The following DPF3 variants were observed in gnomAD, a reference collection of about 807,000 sequenced individuals.
The protein encoded by DPF3 is double PHD fingers 3, also known as zinc finger protein DPF3.
In DPF3, 18 loss-of-function variants were observed where a neutral mutation model predicts 56.8. That is an observed-to-expected ratio of 0.32 (90% CI 0.22 to 0.47). The LOEUF (loss-of-function observed/expected upper bound fraction) is 0.47. DPF3 is among the 20% of genes least tolerant of loss of function. The pLI is 1.00. For missense variants in DPF3, 403 were observed against 488.8 expected, an observed-to-expected ratio of 0.82 and a Z score of 1.65; for synonymous variants, 188 against 180.2, an observed-to-expected ratio of 1.04 and a Z score of -0.35.
At chr14:72,711,721 C>T (rs984193594) in intron 6 of DPF3, among the ~76,000 whole-genome samples, 2 of 152,036 alleles carry the variant, frequency 1.3e-5, no homozygotes, top group African/African-American at 2.4e-5. Context: ...GGGAAAGATG[C>T]GCAAACGACA....
intron 1 of DPF3, among the ~76,000 whole-genome samples, chr14:72,885,172 T>C (rs1371173335): frequency 2.0e-5 from 3 of 148,230 alleles, no homozygotes; most frequent in African/African-American, 7.4e-5. Flanking sequence ...GCAATCCCTG[T>C]GGCTGGGGAT....
At chr14:72,739,396 CTG>C (rs1457214279) in intron 3 of DPF3, among the ~76,000 whole-genome samples, 3 of 152,240 alleles carry the variant, frequency 2.0e-5, no homozygotes, top group African/African-American at 7.2e-5. Context: ...CCACTTCCCA[CTG>C]TTGTTATGGG....
chr14:72,853,066 T>TGTGTGTGTGTGTGTGC (rs1338131454), intron 1 of DPF3, among the ~76,000 whole-genome samples: 1 of 151,850 alleles, frequency 6.6e-6, no homozygotes, highest in East Asian at 1.9e-4. Flanking sequence ...TGTGTGTGTA[T>TGTGTGTGTGTGTGTGC]GCATGCTTGC....
At chr14:72,673,428 G>A (rs1467552177) in intron 8 of DPF3, among the ~76,000 whole-genome samples, 10 of 152,194 alleles carry the variant, frequency 6.6e-5, no homozygotes, top group Admixed American at 6.5e-4. Context: ...CTGTGGTCTA[G>A]TGCTGACATA....
At chr14:72,870,894 G>A (rs1885873593) in intron 1 of DPF3, among the ~76,000 whole-genome samples, 1 of 152,190 alleles carries the variant, frequency 6.6e-6, no homozygotes, top group Non-Finnish European at 1.5e-5. Context: ...GGGCAACATG[G>A]CAAAACCCTG....
intron 9 of DPF3, among the ~76,000 whole-genome samples, chr14:72,627,046 T>C (rs1278258389): frequency 6.6e-6 from 1 of 152,026 alleles, no homozygotes; most frequent in Admixed American, 6.6e-5. Flanking sequence ...AACACTTCTT[T>C]TTATATAGGG....
intron 1 of DPF3, among the ~76,000 whole-genome samples, chr14:72,831,619 C>T (rs1884062911): frequency 6.6e-6 from 1 of 152,214 alleles, no homozygotes; most frequent in South Asian, 2.1e-4. Context: ...TGTTCAGGAT[C>T]ATCCAAGTAT....
chr14:72,845,177 C>T (rs1025276587), intron 1 of DPF3, among the ~76,000 whole-genome samples: 1 of 151,992 alleles, frequency 6.6e-6, no homozygotes, highest in African/African-American at 2.4e-5. Context: ...CCTTCCTAAG[C>T]CTTCCTTAAG....
intron 1 of DPF3, 90 bp downstream of exon 1, chr14:72,893,967 C>T: frequency 4.0e-6 from 6 of 1,516,784 alleles, no homozygotes; most frequent in Non-Finnish European, 5.4e-6. Context: ...CCTGCAAGCG[C>T]AATGCTCTGG....
chr14:72,732,036 C>G lies in DPF3; in HGVS notation c.302-102G>C, dbSNP rs1599392437. ...CAGGGCCCAGGGCTCCTGAGGAGGA[C>G]TCGGGGCCTGTGCTCTCTCCTCCTG... On this transcript the variant is annotated intron_variant, in intron 3 of 10. Coordinates refer to ENST00000556509, the MANE Select transcript of DPF3 (RefSeq NM_001280542.3). 2.8e-6 allele frequency: 4 copies of G among 1,442,878 alleles called. No individual in the cohort carries two copies. The East Asian group carries it at 1.0e-4, about 36-fold the overall frequency. 89.4% of individuals were successfully genotyped at this position (1,442,878 alleles called of 1,614,324 possible).
At chr14:72,758,969 C>T (rs978318803) in intron 2 of DPF3, among the ~76,000 whole-genome samples, 17 of 152,112 alleles carry the variant, frequency 1.1e-4, no homozygotes, top group African/African-American at 4.1e-4. Context: ...GAAAATATGA[C>T]TTATAATAAG....
At position 72,614,244 on chromosome 14, in the gene DPF3, G is replaced by C. The variant is rs1416431629; in HGVS notation, c.*5053C>G. Among the ~76,000 whole-genome samples the C allele has an allele frequency of 6.6e-6, 1 of 152,216 alleles. No individual in the cohort carries two copies. The highest frequency in any genetic ancestry group is 1.5e-5 in the Non-Finnish European group (1 of 68,036). On this transcript the variant is annotated 3_prime_UTR_variant, in exon 11 of 11. Coordinates refer to ENST00000556509, the MANE Select transcript of DPF3 (RefSeq NM_001280542.3). ...GAGCCCACCTTCTGACCACGGACCA[G>C]TTAGACTCTATGGCAAGCTGGGGTT...
At chr14:72,659,275 T>A (rs984025376) in intron 8 of DPF3, among the ~76,000 whole-genome samples, 1 of 152,240 alleles carries the variant, frequency 6.6e-6, no homozygotes, top group Non-Finnish European at 1.5e-5. Context: ...TAACCATCTA[T>A]GGTAACTACA....
chr14:72,744,061 T>C (rs1296399001), intron 3 of DPF3, among the ~76,000 whole-genome samples: 2 of 152,234 alleles, frequency 1.3e-5, no homozygotes, highest in Non-Finnish European at 2.9e-5. Flanking sequence ...CCAGGGACAC[T>C]GAGAACACTT....
At chr14:72,776,947 C>T (rs1038383790) in intron 1 of DPF3, among the ~76,000 whole-genome samples, 5 of 152,160 alleles carry the variant, frequency 3.3e-5, no homozygotes, top group African/African-American at 1.2e-4. Context: ...GCCTTCAAAC[C>T]ATCTGGAACT....
chr14:72,864,436 G>A (rs1162578277), intron 1 of DPF3, among the ~76,000 whole-genome samples: 1 of 152,184 alleles, frequency 6.6e-6, no homozygotes, highest in African/African-American at 2.4e-5. Context: ...TGAAGGCAGG[G>A]ACTTTGTTTT....
chr14:72,855,756 T>C (rs1303965271), intron 1 of DPF3, among the ~76,000 whole-genome samples: 1 of 152,164 alleles, frequency 6.6e-6, no homozygotes, highest in Non-Finnish European at 1.5e-5. Flanking sequence ...AACCCACATA[T>C]AAGTTCCATC....
Position 72,746,438 on chromosome 14 carries a change from G to C in DPF3, c.301+6826C>G, listed in dbSNP as rs145201590. Reference sequence around the variant, plus strand: ...GCTGTTCAGACTCAGAAGAGGATTGGGAAATGACAAGCATCTGCCCTAGGG... The same window carrying C: ...GCTGTTCAGACTCAGAAGAGGATTGCGAAATGACAAGCATCTGCCCTAGGG... On this transcript the variant is annotated intron_variant, in intron 3 of 10. Coordinates refer to ENST00000556509, the MANE Select transcript of DPF3 (RefSeq NM_001280542.3). 4.1e-3 allele frequency among the ~76,000 whole-genome samples: 618 copies of C among 152,356 alleles called. 2 individuals carry two copies. The highest frequency in any genetic ancestry group is 7.0e-3 in the Non-Finnish European group (478 of 68,036).
chr14:72,672,052 CACACACA>C (rs1886704541), intron 8 of DPF3, among the ~76,000 whole-genome samples: 3 of 119,050 alleles, frequency 2.5e-5, no homozygotes, highest in African/African-American at 1.0e-4. Flanking sequence ...CACACACACA[CACACACA>C]GACACACACA....
Sources: allele counts gnomAD v4.1 joint callset (sites outside exome capture counted in the v4.1 genomes callset), GRCh38; gene constraint gnomAD v4.1.1; transcripts MANE v1.5; gene names NCBI Gene and HGNC (gene_info 2026-07-23, HGNC 2026-07-21).